Variants in SLC6A3 observed in about 807,000 individuals in gnomAD.
The protein encoded by SLC6A3 is solute carrier family 6 member 3, also known as sodium-dependent dopamine transporter.
SLC6A3 carries 19 observed loss-of-function variants against 70.4 expected under a neutral mutation model. That is an observed-to-expected ratio of 0.27 (90% confidence interval 0.19 to 0.40). The LOEUF (loss-of-function observed/expected upper bound fraction) is 0.40. Among genes scored for constraint, SLC6A3 ranks in the 10% least tolerant of loss-of-function variants. SLC6A3 has a pLI of 1.00. For synonymous variants in SLC6A3, 368 were observed against 356.6 expected, an observed-to-expected ratio of 1.03 and a Z score of -0.36; for missense variants, 613 against 838.5, an observed-to-expected ratio of 0.73 and a Z score of 3.32.
chr5:1,441,275 AT>A (rs1435517746), intron 3 of SLC6A3, 83 bp downstream of exon 3: 2 of 1,556,578 alleles, frequency 1.3e-6, no homozygotes, highest in Non-Finnish European at 1.8e-6. Context: ...GATGCCCATG[AT>A]GCGGCTGGCT....
Position 1,416,159 on chromosome 5 carries a change from C to A in SLC6A3, c.970G>T (p.Val324Leu). The change falls in exon 7 of 15, where the codon GTG (valine) becomes TTG (leucine). Residue 324 changes from valine (V) to leucine (L), a missense_variant. Val to Leu is a conservative substitution (Grantham distance 32). Coordinates refer to ENST00000270349, the MANE Select transcript of SLC6A3 (RefSeq NM_001044.5). ...AAGGCGATCAGCACCCCGAACCCCACGCCCAGGGAGAAGCACACCTGGGTG... is the reference window on the plus strand; with the variant it reads ...AAGGCGATCAGCACCCCGAACCCCAAGCCCAGGGAGAAGCACACCTGGGTG... ...AATQVCFSLGVGFGVLIAFSS... is the reference protein window; with the variant it reads ...AATQVCFSLGLGFGVLIAFSS... 6.2e-7 allele frequency: 1 copy of A among 1,613,962 alleles called. No homozygotes were observed. Among genetic ancestry groups the A allele is most frequent in the East Asian group, 2.2e-5 (1 of 44,882 alleles).
chr5:1,397,328 G>A lies in SLC6A3; in HGVS notation c.1840-2570C>T, dbSNP rs926427120. Among the ~76,000 whole-genome samples the A allele has an allele frequency of 5.3e-5, 8 of 152,354 alleles. No homozygotes were observed. Among genetic ancestry groups the A allele is most frequent in the African/African-American group, 1.9e-4 (8 of 41,582 alleles). On this transcript the variant is annotated intron_variant, in intron 14 of 14. Coordinates refer to ENST00000270349, the MANE Select transcript of SLC6A3 (RefSeq NM_001044.5). This position sits in a 1 kb window ranked among gnomAD's most constrained non-coding sequence, Gnocchi z 4.7. ...TGCCTGCAGTCCCAGCTACTCGGGAGGCTGAGGCAGGAGAATGGCGCGAAC... is the reference window on the plus strand; with the variant it reads ...TGCCTGCAGTCCCAGCTACTCGGGAAGCTGAGGCAGGAGAATGGCGCGAAC...
rs1219355049 is a variant in SLC6A3 at position 1,411,531 on chromosome 5, A to G, written c.1157-176T>C. ...CAGCAGACCAGGCCTGGGACTCAGG[A>G]AAGCGGAAACCCAGAACTGATCAGA... On this transcript the variant is annotated intron_variant, in intron 8 of 14. Coordinates refer to ENST00000270349, the MANE Select transcript of SLC6A3 (RefSeq NM_001044.5). This position sits in a 1 kb window ranked among gnomAD's most constrained non-coding sequence, Gnocchi z 6.5. Among the ~76,000 whole-genome samples the G allele has an allele frequency of 6.6e-6, 1 of 152,178 alleles. No homozygotes were observed. Among genetic ancestry groups the G allele is most frequent in the Non-Finnish European group, 1.5e-5 (1 of 68,026 alleles).
At chr5:1,435,983 A>T (rs1756824077) in intron 3 of SLC6A3, among the ~76,000 whole-genome samples, 2 of 145,192 alleles carry the variant, frequency 1.4e-5, no homozygotes, top group African/African-American at 5.2e-5. Context: ...GGCTCCCTTG[A>T]ACAGTGGTGG....
intron 2 of SLC6A3, 117 bp from the exon 3 acceptor site, chr5:1,441,607 CA>C (rs905344391): frequency 4.7e-5 from 56 of 1,197,920 alleles, no homozygotes; most frequent in Non-Finnish European, 6.3e-5. Flanking sequence ...CGTTTCACCC[CA>C]CTCTCCAACG....
rs866020850 is a variant in SLC6A3, at chr5:1,438,519, G to T, written c.418+2840C>A. On this transcript the variant is annotated intron_variant, in intron 3 of 14. Transcript: ENST00000270349. The surrounding 1 kb of genome is among the most constrained non-coding windows in gnomAD (Gnocchi z 6.5). The stretch of plus-strand genomic sequence containing the variant: ...CTCTACTAGCCCAAGTTGAGTTGGT[G>T]CTCTGAAATTCTTAGAAATTGCTTC... Among the ~76,000 whole-genome samples the T allele has an allele frequency of 2.5e-4, 38 of 152,250 alleles. No homozygotes were observed. Among genetic ancestry groups the T allele is most frequent in the South Asian group, 2.1e-4 (1 of 4,834 alleles).
chr5:1,400,900 G>A lies in SLC6A3; in HGVS notation c.1839+15C>T, dbSNP rs372099852. ...AATTCCCCCGAGAGAGGCCCAGCAG[G>A]GACCTCGACCTCACCGTGAACTGGC... is the stretch of plus-strand genomic sequence containing the variant. On this transcript the variant is annotated intron_variant, in intron 14 of 14. Transcript: ENST00000270349. 1.5e-5 allele frequency: 23 copies of A among 1,566,024 alleles called. No homozygotes were observed. The highest frequency in any genetic ancestry group is 1.8e-5 in the Non-Finnish European group (21 of 1,150,520).
At chr5:1,395,284 A>G (rs778493001) in intron 14 of SLC6A3, among the ~76,000 whole-genome samples, 41 of 152,176 alleles carry the variant, frequency 2.7e-4, no homozygotes, top group Non-Finnish European at 5.1e-4. Context: ...GACTGATGAG[A>G]TAGACAAGAG....
intron 4 of SLC6A3, among the ~76,000 whole-genome samples, chr5:1,431,145 C>T (rs1176006362): frequency 1.3e-5 from 2 of 152,214 alleles, no homozygotes; most frequent in Non-Finnish European, 1.5e-5. Flanking sequence ...AGGCCCCAGG[C>T]CCGGCTGGCG....
At chr5:1,422,037 G>A in intron 4 of SLC6A3, 23 bp from the exon 5 acceptor site, 3 of 1,605,700 alleles carry the variant, frequency 1.9e-6, no homozygotes, top group Middle Eastern at 3.4e-4. Flanking sequence ...GTCAGCGGGG[G>A]ACTCTGTGGG....
chr5:1,423,282 G>A (rs442915), intron 4 of SLC6A3, among the ~76,000 whole-genome samples: 613 of 57,142 alleles, frequency 0.011, 101 homozygotes, highest in East Asian at 0.035. Context: ...TGCTGCCCAC[G>A]GTGCTGGGTA....
At position 1,436,294 on chromosome 5, in the gene SLC6A3, G is replaced by A. The variant is rs916617557; in HGVS notation, c.419-3596C>T. Among the ~76,000 whole-genome samples, 22 of 152,178 alleles carry A rather than the reference G, an allele frequency of 1.4e-4. No individual in the cohort carries two copies. The highest frequency in any genetic ancestry group is 5.3e-4 in the African/African-American group (22 of 41,438). The stretch of plus-strand genomic sequence containing the variant: ...GACGCAGGAAACCCACTACCCTGTT[G>A]GCTACAGAACCTTCTAGTGATCTCT... On this transcript the variant is annotated intron_variant, in intron 3 of 14. Transcript: ENST00000270349. The surrounding 1 kb of genome is among the most constrained non-coding windows in gnomAD (Gnocchi z 5.2).
Position 1,394,849 on chromosome 5 carries a change from G to A in SLC6A3, c.1840-91C>T, listed in dbSNP as rs1322272702. The A allele has an allele frequency of 7.0e-7, 1 of 1,436,516 alleles. No individual in the cohort carries two copies. Among genetic ancestry groups the A allele is most frequent in the Non-Finnish European group, 9.8e-7 (1 of 1,020,082 alleles). 89.0% of individuals were successfully genotyped at this position (1,436,516 alleles called of 1,614,324 possible). On this transcript the variant is annotated intron_variant, in intron 14 of 14. Coordinates refer to ENST00000270349, the MANE Select transcript of SLC6A3 (RefSeq NM_001044.5). The surrounding 1 kb of genome is among the most constrained non-coding windows in gnomAD (Gnocchi z 4.7). The stretch of plus-strand genomic sequence containing the variant: ...GGCTAAGAGCAGCTGAAGGCAGTGA[G>A]CAGACAGTTTGCAGCCTCCTGGCCA...
intron 1 of SLC6A3, among the ~76,000 whole-genome samples, chr5:1,444,012 C>T (rs947511061): frequency 8.5e-5 from 13 of 152,138 alleles, no homozygotes; most frequent in African/African-American, 3.1e-4. Flanking sequence ...ATTGTTTATA[C>T]TCAGTAATAA....
chr5:1,424,386 G>A (rs1756531348), intron 4 of SLC6A3, among the ~76,000 whole-genome samples: 1 of 152,126 alleles, frequency 6.6e-6, no homozygotes, highest in South Asian at 2.1e-4. Context: ...CCGTCGTTCT[G>A]CTCCCCCAGC....
chr5:1,400,537 C>T (rs1189349162), intron 14 of SLC6A3, among the ~76,000 whole-genome samples: 3 of 152,230 alleles, frequency 2.0e-5, no homozygotes, highest in Non-Finnish European at 2.9e-5. Context: ...CCAGGCCTCC[C>T]CTCCTGGCAC....
At chr5:1,432,323 A>G (rs973662234) in intron 4 of SLC6A3, 141 bp downstream of exon 4, 5 of 714,066 alleles carry the variant, frequency 7.0e-6, no homozygotes, top group South Asian at 1.5e-5. Flanking sequence ...CCTCCAGAGC[A>G]CTAAAGGGAT....
chr5:1,411,232 G>C lies in SLC6A3; in HGVS notation c.1269+11C>G. 6.5e-7 allele frequency: 1 copy of C among 1,531,714 alleles called. No individual in the cohort carries two copies. Among genetic ancestry groups the C allele is most frequent in the Non-Finnish European group, 8.9e-7 (1 of 1,129,904 alleles). The allele number at this position is 1,531,714 out of a possible 1,614,324, so 94.9% of individuals were successfully genotyped here. A position where few individuals can be genotyped will look rare whatever the true frequency, so the allele number is the denominator to read the frequency against. On this transcript the variant is annotated intron_variant, in intron 9 of 14. Transcript: ENST00000270349. The surrounding 1 kb of genome is among the most constrained non-coding windows in gnomAD (Gnocchi z 6.5). Reference sequence around the variant, plus strand: ...TGCCGAGGACAGGGCCGGGCGGTGCGGGTTACTCACGGCGCTGTCGATACC... The same window carrying C: ...TGCCGAGGACAGGGCCGGGCGGTGCCGGTTACTCACGGCGCTGTCGATACC...
chr5:1,403,028 G>A lies in SLC6A3; in HGVS notation c.1661C>T (p.Pro554Leu). 4 of 1,614,056 alleles carry A rather than the reference G, an allele frequency of 2.5e-6. No individual in the cohort carries two copies. Among genetic ancestry groups the A allele is most frequent in the Non-Finnish European group, 3.4e-6 (4 of 1,180,024 alleles). The change falls in exon 13 of 15, where the codon CCC becomes CTC. Residue 554 changes from proline to leucine, a missense_variant. Pro to Leu is a moderately conservative substitution (Grantham distance 98, BLOSUM62 -3). This residue lies in a region of SLC6A3 where 348 missense variants were observed against 481.2 expected (regional missense o/e 0.72). Coordinates refer to ENST00000270349, the MANE Select transcript of SLC6A3 (RefSeq NM_001044.5). ...RPPHYGAYIF[P>L]DWANALGWVI... ...CCAGCCCAGCGCGTTGGCCCAGTCGGGGAAGATGTAGGCTCCGTAGTGGGG... is the reference window on the plus strand; with the variant it reads ...CCAGCCCAGCGCGTTGGCCCAGTCGAGGAAGATGTAGGCTCCGTAGTGGGG...
Sources: gnomAD v4.1 joint callset for allele counts (sites outside exome capture counted in the v4.1 genomes callset) on GRCh38, gnomAD v4.1.1 for gene constraint, gnomAD v4.1.1 regional missense constraint, Gnocchi (gnomAD v3.1) non-coding constraint, MANE v1.5 for transcripts, NCBI Gene and HGNC (gene_info 2026-07-23, HGNC 2026-07-21) for gene names.